WDR20: variants seen among roughly 807,000 people sequenced by gnomAD.
WDR20 encodes WD repeat domain 20.
A neutral mutation model predicts 38.7 loss-of-function variants in WDR20; 3 were observed. That is an observed-to-expected ratio of 0.08 (90% confidence interval 0.04 to 0.20). The LOEUF is 0.20. Among genes scored for constraint, WDR20 ranks in the 10% least tolerant of loss-of-function variants. The probability of loss-of-function intolerance (pLI) is 1.00; values close to 1 mark genes in which losing one functional copy is unlikely to be tolerated. For missense variants in WDR20, 559 were observed against 727.7 expected, an observed-to-expected ratio of 0.77 and a Z score of 2.67; for synonymous variants, 298 against 285.6, an observed-to-expected ratio of 1.04 and a Z score of -0.44.
At chr14:102,195,235 G>A (rs1055395284) in intron 2 of WDR20, 115 bp downstream of exon 2, 33 of 1,160,246 alleles carry the variant, frequency 2.8e-5, no homozygotes, top group Non-Finnish European at 3.8e-5. Flanking sequence ...TATTCGCCCA[G>A]CCCTCCTACC....
At chr14:102,178,342 A>G (rs1290828972) in intron 1 of WDR20, among the ~76,000 whole-genome samples, 1 of 152,004 alleles carries the variant, frequency 6.6e-6, no homozygotes, top group Admixed American at 6.6e-5. Flanking sequence ...CAGTGAGCCA[A>G]GATCGTGCCA....
intron 1 of WDR20, chr14:102,157,315 A>G (rs1000209593): frequency 5.9e-5 from 9 of 152,112 alleles, no homozygotes; most frequent in African/African-American, 2.2e-4. Context: ...AAGCACCCTG[A>G]TTTAGGTAAG....
intron 1 of WDR20, among the ~76,000 whole-genome samples, 173 bp from the exon 2 acceptor site, chr14:102,194,765 T>C (rs1274310822): frequency 6.6e-6 from 1 of 152,190 alleles, no homozygotes; most frequent in Non-Finnish European, 1.5e-5. Context: ...TTGGCTAAGG[T>C]ATGTGAAAGT....
At chr14:102,144,639 C>A (rs1013389379) in intron 1 of WDR20, among the ~76,000 whole-genome samples, 3 of 152,082 alleles carry the variant, frequency 2.0e-5, no homozygotes, top group African/African-American at 7.2e-5. Flanking sequence ...ATCACTTCCT[C>A]AGGAAATTTT....
At chr14:102,177,147 T>C (rs1299411927) in intron 1 of WDR20, among the ~76,000 whole-genome samples, 3 of 152,164 alleles carry the variant, frequency 2.0e-5, no homozygotes, top group East Asian at 1.9e-4. Flanking sequence ...CTCTTCAAAA[T>C]CTCTCTATCA....
At chr14:102,189,081 G>A (rs1258418124) in intron 1 of WDR20, among the ~76,000 whole-genome samples, 3 of 151,440 alleles carry the variant, frequency 2.0e-5, no homozygotes, top group African/African-American at 4.9e-5. Flanking sequence ...GTGGTGGCAC[G>A]TACCTGTAAT....
chr14:102,212,392 C>G (rs2062660071), downstream of WDR20: 1 of 1,033,520 alleles, frequency 9.7e-7, no homozygotes. Flanking sequence ...ACTGTGCCAG[C>G]CTGGGGAGGG....
chr14:102,151,345 G>A (rs1363358869), intron 1 of WDR20, among the ~76,000 whole-genome samples: 1 of 152,054 alleles, frequency 6.6e-6, no homozygotes, highest in Non-Finnish European at 1.5e-5. Context: ...ATTCCTGAGA[G>A]TGGGAAATAG....
At chr14:102,212,710 G>C (rs1216305730), downstream of WDR20, 9 of 1,483,958 alleles carry the variant, frequency 6.1e-6, no homozygotes, top group South Asian at 3.9e-5. Flanking sequence ...GGCCGCGGTG[G>C]TTCCTGATAT....
Position 102,202,967 on chromosome 14 carries a change from A to G in WDR20, c.433-5636A>G, listed in dbSNP as rs543611178. The stretch of plus-strand genomic sequence containing the variant: ...GGGCAAAACCCAGGGGTCTTTACAC[A>G]CCCCCGCTTTCCATCTTGCCCTCCA... On this transcript the variant is annotated intron_variant, in intron 2 of 2. Transcript: ENST00000342702. Among the ~76,000 whole-genome samples the G allele has an allele frequency of 2.0e-5, 3 of 152,028 alleles. No individual in the cohort carries two copies. The East Asian group carries it at 5.8e-4, about 29-fold the overall frequency.
chr14:102,212,445 C>G (rs967652020), downstream of WDR20: 8 of 1,496,212 alleles, frequency 5.3e-6, no homozygotes, highest in Non-Finnish European at 6.3e-6. Flanking sequence ...TCAGCCCAGG[C>G]TGGCCCAGGC....
At chr14:102,196,492 A>G (rs1323438836) in intron 2 of WDR20, among the ~76,000 whole-genome samples, 1 of 152,122 alleles carries the variant, frequency 6.6e-6, no homozygotes, top group Non-Finnish European at 1.5e-5. Flanking sequence ...TGAATTTGGA[A>G]TCATTGTGGG....
intron 1 of WDR20, among the ~76,000 whole-genome samples, chr14:102,152,371 G>T (rs2056196455): frequency 6.6e-6 from 1 of 151,556 alleles, no homozygotes; most frequent in African/African-American, 2.4e-5. Flanking sequence ...TAATAGTGTG[G>T]ATTATGGATA....
chr14:102,140,818 A>G (rs2050763312), intron 1 of WDR20, among the ~76,000 whole-genome samples: 1 of 152,182 alleles, frequency 6.6e-6, no homozygotes, highest in South Asian at 2.1e-4. Context: ...ATTGTTAAGG[A>G]GAGTCATCTT....
chr14:102,159,017 A>C (rs927312859), intron 1 of WDR20, among the ~76,000 whole-genome samples: 1 of 151,762 alleles, frequency 6.6e-6, no homozygotes, highest in Non-Finnish European at 1.5e-5. Flanking sequence ...ATCAAAGCTC[A>C]CCGCAACCTT....
intron 1 of WDR20, among the ~76,000 whole-genome samples, chr14:102,186,461 A>G (rs1395009309): frequency 6.6e-6 from 1 of 152,156 alleles, no homozygotes; most frequent in Non-Finnish European, 1.5e-5. Context: ...TTTTGGTTAC[A>G]TAGTTGAGCT....
intron 1 of WDR20, among the ~76,000 whole-genome samples, chr14:102,172,939 C>T (rs999498981): frequency 2.7e-5 from 4 of 149,164 alleles, no homozygotes; most frequent in African/African-American, 4.9e-5. Context: ...GACGGGGTCG[C>T]GACTGGGCAG....
chr14:102,168,223 G>A (rs2060130587), intron 1 of WDR20, among the ~76,000 whole-genome samples: 1 of 152,168 alleles, frequency 6.6e-6, no homozygotes, highest in South Asian at 2.1e-4. Flanking sequence ...TAGAAGGCAA[G>A]CCTGTTAATC....
chr14:102,213,876 C>G (rs910779860), downstream of WDR20: 2 of 985,314 alleles, frequency 2.0e-6, no homozygotes, highest in Non-Finnish European at 2.4e-6. Flanking sequence ...CCACGGAAAC[C>G]CAAGCGCCAC....
Sources: gnomAD v4.1 joint callset for allele counts (sites outside exome capture counted in the v4.1 genomes callset) on GRCh38, gnomAD v4.1.1 for gene constraint, MANE v1.5 for transcripts, NCBI Gene and HGNC (gene_info 2026-07-23, HGNC 2026-07-21) for gene names.